The following TRDN variants were observed in gnomAD, a reference collection of about 807,000 sequenced individuals.
TRDN encodes triadin.
In TRDN, 161 loss-of-function variants were observed where a neutral mutation model predicts 149.7. The ratio of observed to expected loss-of-function variants is 1.08; its 90% confidence interval spans 0.95 to 1.23. The LOEUF is 1.23. TRDN is among the 50% of genes most tolerant of loss of function. The pLI, the probability that TRDN is intolerant of heterozygous loss-of-function variation, is 0.00. For synonymous variants in TRDN, 294 were observed against 250.5 expected, an observed-to-expected ratio of 1.17 and a Z score of -1.64; for missense variants, 896 against 823.5, an observed-to-expected ratio of 1.09 and a Z score of -1.08.
At chr6:123,342,309 A>G (rs897852445) in intron 21 of TRDN, among the ~76,000 whole-genome samples, 1 of 151,938 alleles carries the variant, frequency 6.6e-6, no homozygotes, top group Non-Finnish European at 1.5e-5. Flanking sequence ...GAGATGAACT[A>G]GGATATCTTA....
chr6:123,282,219 C>T (rs75917494), intron 24 of TRDN, among the ~76,000 whole-genome samples: 9,829 of 151,804 alleles, frequency 0.065, 1,051 homozygotes, highest in African/African-American at 0.22. Flanking sequence ...CTACAATGAA[C>T]TATATATAGT....
At chr6:123,625,047 T>G (rs1211579731) in intron 1 of TRDN, among the ~76,000 whole-genome samples, 1 of 148,590 alleles carries the variant, frequency 6.7e-6, no homozygotes, top group African/African-American at 2.5e-5. Context: ...GACTACTAAT[T>G]CTCACCTACT....
rs934486291 is a variant in TRDN at position 123,224,134 on chromosome 6, A to G, written c.1976-3T>C. Reference sequence around the variant, plus strand: ...AGCTGGTACATCTTCAACATCTTCTAGAGTACAGAAAAAAGGCACATAGAA... The same window carrying G: ...AGCTGGTACATCTTCAACATCTTCTGGAGTACAGAAAAAAGGCACATAGAA... On this transcript the variant is annotated splice_polypyrimidine_tract_variant and splice_region_variant and intron_variant, in intron 38 of 40. Coordinates refer to ENST00000334268, the MANE Select transcript of TRDN (RefSeq NM_006073.4). 4 of 1,610,192 alleles carry G rather than the reference A, an allele frequency of 2.5e-6. No individual in the cohort carries two copies. Among genetic ancestry groups the G allele is most frequent in the Non-Finnish European group, 8.5e-7 (1 of 1,177,708 alleles).
At chr6:123,585,543 G>A (rs1366653634) in intron 1 of TRDN, among the ~76,000 whole-genome samples, 1 of 152,166 alleles carries the variant, frequency 6.6e-6, no homozygotes, top group Admixed American at 6.5e-5. Context: ...AGGCGATTGG[G>A]CAGCGTCAGT....
At chr6:123,567,038 G>A (rs547673676) in intron 2 of TRDN, among the ~76,000 whole-genome samples, 86 of 152,200 alleles carry the variant, frequency 5.7e-4, no homozygotes, top group African/African-American at 1.7e-3. Flanking sequence ...CCATTGGAGA[G>A]CTGCAATTAA....
At chr6:123,380,207 G>A (rs757686541) in intron 16 of TRDN, among the ~76,000 whole-genome samples, 5 of 152,170 alleles carry the variant, frequency 3.3e-5, no homozygotes, top group Non-Finnish European at 5.9e-5. Flanking sequence ...GAATGAATGC[G>A]TGAAAAGGCA....
At chr6:123,295,790 C>T (rs1253558739) in intron 24 of TRDN, among the ~76,000 whole-genome samples, 4 of 151,938 alleles carry the variant, frequency 2.6e-5, no homozygotes, top group East Asian at 3.9e-4. Context: ...ACAGCGAAAC[C>T]CCATCTATAC....
intron 24 of TRDN, among the ~76,000 whole-genome samples, chr6:123,301,267 T>A (rs1424166046): frequency 6.6e-6 from 1 of 152,030 alleles, no homozygotes; most frequent in Non-Finnish European, 1.5e-5. Flanking sequence ...ATGGAGGATA[T>A]GTTGACAAGA....
intron 16 of TRDN, among the ~76,000 whole-genome samples, chr6:123,381,121 A>G (rs1258179963): frequency 1.3e-5 from 2 of 152,150 alleles, no homozygotes; most frequent in South Asian, 2.1e-4. Flanking sequence ...ACTTTTGATT[A>G]CAAGCCCGTC....
intron 10 of TRDN, among the ~76,000 whole-genome samples, chr6:123,444,120 A>G (rs1467810217): frequency 2.8e-5 from 4 of 144,986 alleles, no homozygotes; most frequent in African/African-American, 1.1e-4. Context: ...CAGTATGGCC[A>G]TTTTCATGAT....
rs1205739728 is a variant in TRDN at position 123,495,355 on chromosome 6, C to T, written c.853+1838G>A. 2.6e-5 allele frequency among the ~76,000 whole-genome samples: 4 copies of T among 151,682 alleles called. No homozygotes were observed. In the East Asian group the frequency reaches 5.9e-4, roughly 22 times the overall value. ...CTAACATGGTGAAACCCCGTCTCTA[C>T]TAAAAATACAAAAATTAGCCGAGTA... On this transcript the variant is annotated intron_variant, in intron 9 of 40. Coordinates refer to ENST00000334268, the MANE Select transcript of TRDN (RefSeq NM_006073.4).
intron 5 of TRDN, chr6:123,529,241 A>G: frequency 6.5e-7 from 1 of 1,548,936 alleles, no homozygotes; most frequent in African/African-American, 1.4e-5. Flanking sequence ...ACACAGAGCC[A>G]GTTCAGTCAT....
At chr6:123,518,780 T>C (rs193219044) in intron 5 of TRDN, among the ~76,000 whole-genome samples, 191 of 152,286 alleles carry the variant, frequency 1.3e-3, no homozygotes, top group Non-Finnish European at 1.9e-3. Context: ...ACAACACTTC[T>C]TAGTGAAGCA....
At chr6:123,565,728 A>C (rs1305630199) in intron 2 of TRDN, among the ~76,000 whole-genome samples, 1 of 152,212 alleles carries the variant, frequency 6.6e-6, no homozygotes, top group East Asian at 1.9e-4. Context: ...GTTGTGTGGC[A>C]ACAGCCGCCA....
intron 1 of TRDN, among the ~76,000 whole-genome samples, chr6:123,584,842 G>A (rs1449213663): frequency 6.6e-6 from 1 of 152,182 alleles, no homozygotes; most frequent in Non-Finnish European, 1.5e-5. Flanking sequence ...TATGGATTTG[G>A]AACCACGGGG....
intron 9 of TRDN, among the ~76,000 whole-genome samples, chr6:123,489,776 T>C (rs1778131945): frequency 6.6e-6 from 1 of 152,158 alleles, no homozygotes; most frequent in South Asian, 2.1e-4. Context: ...ATGATGCAAC[T>C]GTAAAATATA....
At chr6:123,403,589 A>T (rs1427746814) in intron 12 of TRDN, among the ~76,000 whole-genome samples, 1 of 152,168 alleles carries the variant, frequency 6.6e-6, no homozygotes, top group African/African-American at 2.4e-5. Context: ...ATAAGAAAAA[A>T]GCATAGGTAT....
intron 7 of TRDN, among the ~76,000 whole-genome samples, chr6:123,510,567 T>C (rs370270962): frequency 2.3e-4 from 35 of 152,158 alleles, no homozygotes; most frequent in East Asian, 2.1e-3. Flanking sequence ...ATAAATATAT[T>C]TGGCATATTA....
chr6:123,297,499 A>G (rs1048267792), intron 24 of TRDN, among the ~76,000 whole-genome samples: 1 of 152,020 alleles, frequency 6.6e-6, no homozygotes, highest in Non-Finnish European at 1.5e-5. Context: ...TTTGTATAAT[A>G]CTGACATTAT....
Sources: allele counts gnomAD v4.1 joint callset (sites outside exome capture counted in the v4.1 genomes callset), GRCh38; gene constraint gnomAD v4.1.1; transcripts MANE v1.5; gene names NCBI Gene and HGNC (gene_info 2026-07-23, HGNC 2026-07-21).